ACAA1: variants seen among roughly 807,000 people sequenced by gnomAD.
ACAA1 encodes acetyl-CoA acyltransferase 1.
Under a neutral mutation model 48.8 loss-of-function variants are expected in ACAA1, and 44 were observed. That is an observed-to-expected ratio of 0.90 (90% CI 0.71 to 1.16). The LOEUF (loss-of-function observed/expected upper bound fraction) is 1.16, where lower values mean the gene tolerates loss of function less well. Among genes scored for constraint, ACAA1 ranks in the 50% most tolerant of loss-of-function variants. The pLI, the probability that ACAA1 is intolerant of heterozygous loss-of-function variation, is 0.00. For missense variants in ACAA1, 512 were observed against 562.3 expected (o/e 0.91, Z 0.90); for synonymous variants, 233 against 226.5 (o/e 1.03, Z -0.26).
chr3:38,123,266 C>G (rs1700580878), intron 11 of ACAA1, 144 bp from the exon 12 acceptor site: 2 of 709,112 alleles, frequency 2.8e-6, no homozygotes, highest in South Asian at 3.3e-5. Context: ...TGGCCTCCCA[C>G]TTGGGCACAC....
intron 6 of ACAA1, among the ~76,000 whole-genome samples, chr3:38,128,564 A>G (rs1422497362): frequency 6.6e-6 from 1 of 152,212 alleles, no homozygotes; most frequent in Non-Finnish European, 1.5e-5. Flanking sequence ...CAGAGAAGCT[A>G]AAGTGTTCCA....
chr3:38,128,749 G>A (rs770225821), intron 6 of ACAA1, among the ~76,000 whole-genome samples: 18 of 152,180 alleles, frequency 1.2e-4, no homozygotes, highest in Non-Finnish European at 1.9e-4. Context: ...TCACCACCGC[G>A]CCCGGCTAAT....
At chr3:38,132,687 C>T (rs1700812226) in intron 3 of ACAA1, 1 of 152,202 alleles carries the variant, frequency 6.6e-6, no homozygotes, top group Non-Finnish European at 1.5e-5. Context: ...ATTTCCAGAC[C>T]TCCTCAGACC....
chr3:38,131,841 A>C, intron 4 of ACAA1, 85 bp downstream of exon 4: 1 of 1,380,338 alleles, frequency 7.2e-7, no homozygotes, highest in Non-Finnish European at 1.0e-6. Flanking sequence ...CAGAAATGGT[A>C]ATTATTGCTT....
rs1336142746 is a variant in ACAA1 at position 38,134,150 on chromosome 3, A to C, written c.266-141T>G. The C allele has an allele frequency of 6.4e-6, 5 of 784,680 alleles. No individual in the cohort carries two copies. In the African/African-American group the frequency reaches 8.8e-5, roughly 14 times the overall value. 48.6% of individuals were successfully genotyped at this position (784,680 alleles called of 1,614,324 possible). A position where few individuals can be genotyped will look rare whatever the true frequency, so the allele number is the denominator to read the frequency against. The stretch of plus-strand genomic sequence containing the variant: ...GCAGGCTCACTTGCAACTCTGGAAC[A>C]TCAGGGTTTGGGGCAGGGAGAGCCA... On this transcript the variant is annotated intron_variant, in intron 2 of 11. Transcript: ENST00000333167.
chr3:38,136,643 C>G lies in ACAA1; in HGVS notation c.214G>C (p.Val72Leu), dbSNP rs756284410. The G allele has an allele frequency of 1.3e-5, 21 of 1,613,956 alleles. No individual in the cohort carries two copies. Among genetic ancestry groups the G allele is most frequent in the Non-Finnish European group, 1.6e-5 (19 of 1,179,950 alleles). Residue 72 changes from valine to leucine, a missense_variant, in exon 2 of 12, where the codon GTT (valine) becomes CTT (leucine). Val to Leu is a conservative substitution (Grantham distance 32, BLOSUM62 1). Transcript: ENST00000333167. ...GGCCTCAGATTCACGTCCTTGAGAACCGCGGTCATGACTGCCGAGAGAAGC... is the reference window on the plus strand; with the variant it reads ...GGCCTCAGATTCACGTCCTTGAGAAGCGCGGTCATGACTGCCGAGAGAAGC... ...DELLSAVMTA[V>L]LKDVNLRPEQ...
chr3:38,123,179 C>A, intron 11 of ACAA1, 57 bp from the exon 12 acceptor site: 1 of 1,527,150 alleles, frequency 6.5e-7, no homozygotes, highest in South Asian at 1.1e-5. Flanking sequence ...TACCTCCAGA[C>A]CAGGCTGACC....
chr3:38,132,823 G>A (rs549156442), intron 3 of ACAA1, among the ~76,000 whole-genome samples: 1 of 152,296 alleles, frequency 6.6e-6, no homozygotes, highest in East Asian at 1.9e-4. Flanking sequence ...ATAGCCTCCT[G>A]TGCAGCCTGT....
At chr3:38,136,466 G>A (rs1395667353) in intron 2 of ACAA1, 126 bp downstream of exon 2, 4 of 924,630 alleles carry the variant, frequency 4.3e-6, no homozygotes, top group Admixed American at 1.9e-5. Flanking sequence ...GAAGGGGCAG[G>A]ACCCCTTCAA....
chr3:38,128,212 A>G lies in ACAA1; in HGVS notation c.546-346T>C, dbSNP rs141443909. 4.5e-3 allele frequency among the ~76,000 whole-genome samples: 639 copies of G among 143,224 alleles called. 9 individuals carry two copies. Among genetic ancestry groups the G allele is most frequent in the African/African-American group, 0.015 (615 of 40,206 alleles). The allele number at this position is 143,224 out of a possible 152,430, so 94.0% of individuals were successfully genotyped here. On this transcript the variant is annotated intron_variant, in intron 6 of 11. Coordinates refer to ENST00000333167, the MANE Select transcript of ACAA1 (RefSeq NM_001607.4). Reference sequence around the variant, plus strand: ...CCTCAGCGCAGGGTAGAAAAGGAGCAGGGGAGGGCCTGGGTGGGGGCACTA... The same window carrying G: ...CCTCAGCGCAGGGTAGAAAAGGAGCGGGGGAGGGCCTGGGTGGGGGCACTA...
At chr3:38,128,236 T>C (rs565027734) in intron 6 of ACAA1, among the ~76,000 whole-genome samples, 13 of 152,296 alleles carry the variant, frequency 8.5e-5, no homozygotes, top group African/African-American at 3.1e-4. Flanking sequence ...GTGGGGGCAC[T>C]AGTTGGCTAC....
chr3:38,132,758 T>A (rs1032627942), intron 3 of ACAA1, among the ~76,000 whole-genome samples: 5 of 152,134 alleles, frequency 3.3e-5, no homozygotes, highest in African/African-American at 1.2e-4. Context: ...TAGCCAGAGT[T>A]GGGAACCTCT....
At chr3:38,131,894 A>C (rs771428138) in intron 4 of ACAA1, 32 bp downstream of exon 4, 2 of 1,595,968 alleles carry the variant, frequency 1.3e-6, no homozygotes, top group African/African-American at 2.7e-5. Flanking sequence ...CCACAGGTCC[A>C]GGACCAAGGC....
At chr3:38,136,502 A>G in intron 2 of ACAA1, 90 bp downstream of exon 2, 3 of 1,408,292 alleles carry the variant, frequency 2.1e-6, no homozygotes, top group Non-Finnish European at 2.0e-6. Context: ...AGGTTCCCCC[A>G]GTGAAAATTC....
chr3:38,133,898 G>C lies in ACAA1; in HGVS notation c.323+54C>G, dbSNP rs1435873945. 14 of 1,582,834 alleles carry C rather than the reference G, an allele frequency of 8.8e-6. No individual in the cohort carries two copies. The East Asian group carries it at 2.5e-4, about 28-fold the overall frequency. On this transcript the variant is annotated intron_variant, in intron 3 of 11. Transcript: ENST00000333167. ...TGCACACTGAGTTTCCTGGGGCCTGGGCCCAGTAAAGTGTCAAAATGGCCA... is the reference window on the plus strand; with the variant it reads ...TGCACACTGAGTTTCCTGGGGCCTGCGCCCAGTAAAGTGTCAAAATGGCCA...
At chr3:38,133,892 G>A in intron 3 of ACAA1, 60 bp downstream of exon 3, 1 of 1,569,092 alleles carries the variant, frequency 6.4e-7, no homozygotes, top group South Asian at 1.1e-5. Flanking sequence ...AGTTTCCTGG[G>A]GCCTGGGCCC....
At chr3:38,131,554 T>C in intron 5 of ACAA1, 42 bp downstream of exon 5, 2 of 1,604,456 alleles carry the variant, frequency 1.2e-6, no homozygotes, top group Non-Finnish European at 8.5e-7. Flanking sequence ...AGTTTTATTG[T>C]CACAAGTTGG....
intron 9 of ACAA1, 49 bp from the exon 10 acceptor site, chr3:38,125,930 C>G (rs760939230): frequency 4.3e-6 from 7 of 1,611,994 alleles, no homozygotes; most frequent in Non-Finnish European, 1.7e-6. Context: ...CTCTGCCTCC[C>G]CTGGGGCCCA....
intron 11 of ACAA1, 36 bp downstream of exon 11, chr3:38,125,529 C>A: frequency 1.1e-5 from 17 of 1,510,310 alleles, no homozygotes; most frequent in Non-Finnish European, 1.4e-5. Context: ...ACTTGGATAT[C>A]CCCCTATGAC....
Sources: gnomAD v4.1 joint callset for allele counts (sites outside exome capture counted in the v4.1 genomes callset) on GRCh38, gnomAD v4.1.1 for gene constraint, MANE v1.5 for transcripts, NCBI Gene and HGNC (gene_info 2026-07-23, HGNC 2026-07-21) for gene names.